The following CDH4 variants were observed in gnomAD, a reference collection of about 807,000 sequenced individuals.
The protein encoded by CDH4 is cadherin 4, also known as cadherin-4.
Under a neutral mutation model 86.0 loss-of-function variants are expected in CDH4, and 33 were observed. That is an observed-to-expected ratio of 0.38 (90% confidence interval 0.29 to 0.51). The LOEUF (loss-of-function observed/expected upper bound fraction) is 0.51, where lower values mean the gene tolerates loss of function less well. Among genes scored for constraint, CDH4 ranks in the 20% least tolerant of loss-of-function variants. CDH4 has a pLI of 0.86. For missense variants in CDH4, 1,114 were observed against 1,307.4 expected (o/e 0.85, Z 2.28); for synonymous variants, 555 against 549.4 (o/e 1.01, Z -0.14).
chr20:61,449,912 A>G (rs1461690765), intron 2 of CDH4, among the ~76,000 whole-genome samples: 1 of 152,184 alleles, frequency 6.6e-6, no homozygotes, highest in Non-Finnish European at 1.5e-5. Context: ...CTTTCTTTCA[A>G]TTATCCTATC....
At chr20:61,584,582 T>G (rs953067712) in intron 2 of CDH4, among the ~76,000 whole-genome samples, 1 of 152,124 alleles carries the variant, frequency 6.6e-6, no homozygotes, top group Non-Finnish European at 1.5e-5. Flanking sequence ...GGCCACAGCC[T>G]TGGAGGTATT....
At chr20:61,857,887 G>A (rs2146122084) in intron 6 of CDH4, among the ~76,000 whole-genome samples, 1 of 152,154 alleles carries the variant, frequency 6.6e-6, no homozygotes, top group South Asian at 2.1e-4. Context: ...GTGTGTCTGT[G>A]TGTGTGTGTG....
At chr20:61,792,028 C>T (rs1317903812) in intron 4 of CDH4, among the ~76,000 whole-genome samples, 1 of 152,272 alleles carries the variant, frequency 6.6e-6, no homozygotes, top group African/African-American at 2.4e-5. Context: ...CCCTGGATGC[C>T]TTTGGCTGCC....
chr20:61,618,456 T>C (rs965529160), intron 2 of CDH4, among the ~76,000 whole-genome samples: 8 of 152,136 alleles, frequency 5.3e-5, no homozygotes, highest in Non-Finnish European at 1.2e-4. Flanking sequence ...GTGGGCCTCA[T>C]GAGACTGGTT....
chr20:61,560,578 G>C (rs903069214), intron 2 of CDH4, among the ~76,000 whole-genome samples: 1 of 152,182 alleles, frequency 6.6e-6, no homozygotes, highest in Non-Finnish European at 1.5e-5. Flanking sequence ...TACTTACCCC[G>C]CCCTGCACTC....
intron 3 of CDH4, among the ~76,000 whole-genome samples, chr20:61,756,250 G>T (rs1287419719): frequency 6.6e-6 from 1 of 151,432 alleles, no homozygotes; most frequent in African/African-American, 2.5e-5. Flanking sequence ...CTCAACCCTG[G>T]CCAGGGGCTC....
chr20:61,566,753 C>T (rs1017602840), intron 2 of CDH4, among the ~76,000 whole-genome samples: 1 of 152,190 alleles, frequency 6.6e-6, no homozygotes, highest in Non-Finnish European at 1.5e-5. Flanking sequence ...GCCCAAAGAA[C>T]TGAGCAGGGC....
chr20:61,915,895 T>G (rs1251637280), intron 9 of CDH4, among the ~76,000 whole-genome samples: 2 of 152,130 alleles, frequency 1.3e-5, no homozygotes, highest in Non-Finnish European at 2.9e-5. Context: ...AATTTTAAAA[T>G]TTGAGGAGCT....
At chr20:61,844,912 G>C in intron 5 of CDH4, 89 bp downstream of exon 5, 1 of 1,330,794 alleles carries the variant, frequency 7.5e-7, no homozygotes, top group Non-Finnish European at 1.0e-6. Context: ...GCAGGGCCAT[G>C]CCTGCCCTAA....
At chr20:61,614,578 G>A (rs1346485499) in intron 2 of CDH4, among the ~76,000 whole-genome samples, 1 of 152,138 alleles carries the variant, frequency 6.6e-6, no homozygotes, top group East Asian at 1.9e-4. Flanking sequence ...TATCTGTGGA[G>A]TCTGCGCTGA....
intron 2 of CDH4, among the ~76,000 whole-genome samples, chr20:61,281,128 C>T (rs1349391569): frequency 3.3e-5 from 5 of 152,154 alleles, no homozygotes; most frequent in Admixed American, 6.5e-5. Context: ...ACAGCCCAGA[C>T]GGAGAGGACC....
chr20:61,293,956 G>A (rs1435720269), intron 2 of CDH4, among the ~76,000 whole-genome samples: 1 of 152,184 alleles, frequency 6.6e-6, no homozygotes, highest in Non-Finnish European at 1.5e-5. Flanking sequence ...CTGGTGAGGT[G>A]CTGGGGGGTC....
intron 2 of CDH4, among the ~76,000 whole-genome samples, chr20:61,551,542 A>C (rs2086129868): frequency 6.6e-6 from 1 of 152,218 alleles, no homozygotes; most frequent in Admixed American, 6.5e-5. Context: ...CTCACAGCTC[A>C]GAGAACCTTT....
intron 6 of CDH4, among the ~76,000 whole-genome samples, chr20:61,872,378 A>C (rs1983842605): frequency 1.3e-5 from 2 of 152,208 alleles, no homozygotes; most frequent in African/African-American, 2.4e-5. Flanking sequence ...GGCCAGGTGG[A>C]GGAGAGGGAA....
At chr20:61,931,291 G>A (rs146124753) in intron 13 of CDH4, among the ~76,000 whole-genome samples, 349 of 152,340 alleles carry the variant, frequency 2.3e-3, no homozygotes, top group African/African-American at 7.1e-3. Flanking sequence ...CCTGCAGTGC[G>A]TGGCTCCTCC....
At chr20:61,685,014 T>TG (rs1405527154) in intron 2 of CDH4, among the ~76,000 whole-genome samples, 2 of 152,194 alleles carry the variant, frequency 1.3e-5, no homozygotes, top group Non-Finnish European at 2.9e-5. Context: ...GAGCAACTGT[T>TG]GCTGTCATCT....
intron 2 of CDH4, among the ~76,000 whole-genome samples, chr20:61,444,337 CTG>C (rs1184438668): frequency 1.3e-4 from 12 of 91,236 alleles, no homozygotes; most frequent in East Asian, 8.9e-4. Context: ...GTGTGTTTCT[CTG>C]TGTGTGTCTG....
chr20:61,539,490 T>A (rs2086023270), intron 2 of CDH4, among the ~76,000 whole-genome samples: 1 of 152,206 alleles, frequency 6.6e-6, no homozygotes, highest in African/African-American at 2.4e-5. Flanking sequence ...TGTGTCTGTG[T>A]CCTCACCTCC....
intron 12 of CDH4, 40 bp from the exon 13 acceptor site, chr20:61,929,569 G>A: frequency 6.6e-7 from 1 of 1,504,012 alleles, no homozygotes; most frequent in Non-Finnish European, 9.3e-7. Context: ...GGAAGCGAGG[G>A]CCGGGCTCTG....
Sources: gnomAD v4.1 joint callset for allele counts (sites outside exome capture counted in the v4.1 genomes callset) on GRCh38, gnomAD v4.1.1 for gene constraint, MANE v1.5 for transcripts, NCBI Gene and HGNC (gene_info 2026-07-23, HGNC 2026-07-21) for gene names.